Variants in KIF26A observed in about 807,000 individuals in gnomAD.
KIF26A encodes the protein kinesin-like protein KIF26A.
Under a neutral mutation model 126.0 loss-of-function variants are expected in KIF26A, and 74 were observed. The observed-to-expected ratio is 0.59, with a 90% CI of 0.49 to 0.71. KIF26A has a LOEUF of 0.71. Ranked by LOEUF, KIF26A falls within the 30% of genes least tolerant of loss-of-function variation. The pLI is 0.00. For missense variants in KIF26A, 2,984 were observed against 2,763.3 expected (o/e 1.08, Z -1.79); for synonymous variants, 1,445 against 1,232.7 (o/e 1.17, Z -3.61).
At chr14:104,154,739 G>C (rs915632719) in intron 3 of KIF26A, among the ~76,000 whole-genome samples, 2 of 152,232 alleles carry the variant, frequency 1.3e-5, no homozygotes, top group African/African-American at 4.8e-5. Flanking sequence ...CTGCGAGACC[G>C]AGGCTCTGGC....
Position 104,139,063 on chromosome 14 carries a change from C to T in KIF26A, c.63C>T (p.Ala21=), listed in dbSNP as rs2037611164. Residue 21 remains alanine, a synonymous_variant, in exon 2 of 15, where the codon GCC becomes GCT. Transcript: ENST00000423312. ...TGCAGGTGGCCGAGGGCGGCCCGGC[C>T]CGCGAGCCGCCGCCGCTGCTGGAGG... The part of the protein sequence containing the change: ...AQPAVAEGGP[A]REPPPLLEVS... 5 of 1,381,032 alleles carry T rather than the reference C, an allele frequency of 3.6e-6. No individual in the cohort carries two copies. The highest frequency in any genetic ancestry group is 1.9e-6 in the Non-Finnish European group (2 of 1,074,734). The allele number at this position is 1,381,032 out of a possible 1,614,324, so 85.5% of individuals were successfully genotyped here.
Position 104,172,992 on chromosome 14 carries a change from T to C in KIF26A, c.1436T>C (p.Met479Thr), listed in dbSNP as rs1367126648. The change falls in exon 8 of 15, where the codon ATG (methionine) becomes ACG (threonine). Residue 479 changes from methionine (M) to threonine (T), a missense_variant. Coordinates refer to ENST00000423312, the MANE Select transcript of KIF26A (RefSeq NM_015656.2). ...GHMSLGKSYT[M>T]IGKDSSPQSL... Reference sequence around the variant, plus strand: ...TGGCCCCCAGGCAAGTCGTACACCATGATCGGGAAGGACAGCTCACCCCAG... The same window carrying C: ...TGGCCCCCAGGCAAGTCGTACACCACGATCGGGAAGGACAGCTCACCCCAG... 6.3e-7 allele frequency: 1 copy of C among 1,598,672 alleles called. No individual in the cohort carries two copies. The highest frequency in any genetic ancestry group is 8.5e-7 in the Non-Finnish European group (1 of 1,171,480).
intron 4 of KIF26A, among the ~76,000 whole-genome samples, chr14:104,158,637 C>T (rs1316677410): frequency 6.6e-6 from 1 of 152,246 alleles, no homozygotes; most frequent in Non-Finnish European, 1.5e-5. Context: ...TGCTGATCCC[C>T]ACCACTGCCA....
At chr14:104,168,988 C>T (rs562520425) in intron 5 of KIF26A, among the ~76,000 whole-genome samples, 172 of 152,338 alleles carry the variant, frequency 1.1e-3, no homozygotes, top group African/African-American at 3.9e-3. Context: ...TGCGTGTGCC[C>T]GGCACGGGCT....
intron 2 of KIF26A, among the ~76,000 whole-genome samples, chr14:104,143,302 T>C (rs1165723332): frequency 6.6e-6 from 1 of 152,164 alleles, no homozygotes; most frequent in Non-Finnish European, 1.5e-5. Context: ...CCGGCGAAGC[T>C]CCGGGTGGCC....
chr14:104,160,679 GT>G (rs1298460661), intron 4 of KIF26A, among the ~76,000 whole-genome samples: 1 of 152,188 alleles, frequency 6.6e-6, no homozygotes, highest in Non-Finnish European at 1.5e-5. Context: ...TTCCCTGAAG[GT>G]TCTGGCAACT....
chr14:104,172,978 C>G lies in KIF26A; in HGVS notation c.1422C>G (p.Gly474=). The G allele has an allele frequency of 6.3e-7, 1 of 1,586,794 alleles. No homozygotes were observed. The highest frequency in any genetic ancestry group is 8.6e-7 in the Non-Finnish European group (1 of 1,163,262). The change falls in exon 8 of 15, where the codon GGC becomes GGG. Residue 474 remains glycine (G), a splice_region_variant and synonymous_variant. Coordinates refer to ENST00000423312, the MANE Select transcript of KIF26A (RefSeq NM_015656.2). ...GCCTGACGCCTGCGTGGCCCCCAGG[C>G]AAGTCGTACACCATGATCGGGAAGG... ...CIFSFGHMSL[G]KSYTMIGKDS... is the part of the protein sequence containing the mutation.
chr14:104,172,708 C>T (rs2037971844), intron 7 of KIF26A, 40 bp downstream of exon 7: 2 of 1,444,264 alleles, frequency 1.4e-6, no homozygotes, highest in African/African-American at 1.4e-5. Flanking sequence ...TCCTGCTGGC[C>T]ACCCCCTCCC....
At chr14:104,140,576 A>G (rs1037965158) in intron 2 of KIF26A, among the ~76,000 whole-genome samples, 4 of 152,030 alleles carry the variant, frequency 2.6e-5, no homozygotes, top group African/African-American at 9.7e-5. Context: ...CCCTGGGGCC[A>G]TGGTCCTGGC....
chr14:104,140,728 C>T (rs528807781), intron 2 of KIF26A, among the ~76,000 whole-genome samples: 143 of 152,146 alleles, frequency 9.4e-4, no homozygotes, highest in African/African-American at 3.4e-3. Flanking sequence ...GCAGACAGGT[C>T]TTCAGGGGAG....
In KIF26A at chr14:104,175,148, G is replaced by A; in HGVS notation, c.2360G>A (p.Cys787Tyr). Residue 787 changes from cysteine to tyrosine, a missense_variant, in exon 12 of 15, where the codon TGT becomes TAT. Coordinates refer to ENST00000423312, the MANE Select transcript of KIF26A (RefSeq NM_015656.2). ...TACTCCTCCAGCAGCGAGCAGTCCT[G>A]TGACACGGTCATCTACGTGGGGCCC... is the stretch of plus-strand genomic sequence containing the variant. ...PDYSSSSEQS[C>Y]DTVIYVGPGG... 1.2e-6 allele frequency: 2 copies of A among 1,607,874 alleles called. No individual in the cohort carries two copies. Among genetic ancestry groups the A allele is most frequent in the South Asian group, 1.1e-5 (1 of 89,922 alleles).
At position 104,152,961 on chromosome 14, in the gene KIF26A, G is replaced by A. The variant is rs937410532; in HGVS notation, c.735+500G>A. Among the ~76,000 whole-genome samples the A allele has an allele frequency of 1.3e-5, 2 of 152,152 alleles. No individual in the cohort carries two copies. Among genetic ancestry groups the A allele is most frequent in the Admixed American group, 1.3e-4 (2 of 15,286 alleles). On this transcript the variant is annotated intron_variant, in intron 3 of 14. Coordinates refer to ENST00000423312, the MANE Select transcript of KIF26A (RefSeq NM_015656.2). This position sits in a 1 kb window ranked among gnomAD's most constrained non-coding sequence, Gnocchi z 5.9. Reference sequence around the variant, plus strand: ...ACCCTGGGGGCAGAGGGACATGTGGGTGGCTGTGAAGAGCCGTGTTTCTGC... The same window carrying A: ...ACCCTGGGGGCAGAGGGACATGTGGATGGCTGTGAAGAGCCGTGTTTCTGC...
chr14:104,169,274 G>T (rs2037935220), intron 5 of KIF26A, among the ~76,000 whole-genome samples: 1 of 152,256 alleles, frequency 6.6e-6, no homozygotes. Flanking sequence ...CCTGGCTCTG[G>T]CCTGGGCCTG....
intron 13 of KIF26A, among the ~76,000 whole-genome samples, 195 bp from the exon 14 acceptor site, chr14:104,179,041 G>A (rs1418185437): frequency 2.6e-5 from 4 of 152,162 alleles, no homozygotes; most frequent in African/African-American, 9.7e-5. Flanking sequence ...TGGGGAGGGT[G>A]GTCCTAGAGC....
Position 104,152,462 on chromosome 14 carries a change from G to T in KIF26A, c.735+1G>T. 1.9e-6 allele frequency: 3 copies of T among 1,562,516 alleles called. No homozygotes were observed. The South Asian group carries it at 3.6e-5, about 19-fold the overall frequency. On this transcript the variant is annotated splice_donor_variant, in intron 3 of 14. Transcript: ENST00000423312. LOFTEE classifies it high-confidence loss of function. This position sits in a 1 kb window ranked among gnomAD's most constrained non-coding sequence, Gnocchi z 5.9. ...CAGCTTCCTCCCGCCGGCGTGCCTG[G>T]TGAGTGTCTTGCTCAGCGGATGGGA...
intron 4 of KIF26A, among the ~76,000 whole-genome samples, chr14:104,164,461 TC>T (rs2037862019): frequency 6.6e-6 from 1 of 151,636 alleles, no homozygotes; most frequent in African/African-American, 2.4e-5. Context: ...GGGTCCATGA[TC>T]CGGGGTAGGG....
Position 104,174,181 on chromosome 14 carries a change from C to A in KIF26A, c.2064C>A (p.Ser688=). The A allele has an allele frequency of 1.3e-6, 2 of 1,589,950 alleles. No homozygotes were observed. Among genetic ancestry groups the A allele is most frequent in the East Asian group, 2.3e-5 (1 of 43,696 alleles). Residue 688 remains serine, a synonymous_variant, in exon 11 of 15, where the codon TCC becomes TCA. Coordinates refer to ENST00000423312, the MANE Select transcript of KIF26A (RefSeq NM_015656.2). ...GGCTCACCATGCTGCTGCGTGAATC[C>A]CTGGCCACCGCTGGCTGCCGCACCA... The part of the protein sequence containing the change: ...DHRLTMLLRE[S]LATAGCRTTM...
chr14:104,169,965 G>T (rs534203865), intron 5 of KIF26A, among the ~76,000 whole-genome samples: 1 of 152,302 alleles, frequency 6.6e-6, no homozygotes, highest in East Asian at 1.9e-4. Flanking sequence ...AGGGCAGTGT[G>T]GGGCAGGCTA....
At position 104,175,260 on chromosome 14, in the gene KIF26A, C is replaced by A; in HGVS notation, c.2472C>A (p.His824Gln). 6.2e-7 allele frequency: 1 copy of A among 1,607,274 alleles called. No individual in the cohort carries two copies. The highest frequency in any genetic ancestry group is 8.5e-7 in the Non-Finnish European group (1 of 1,179,610). The change falls in exon 12 of 15, where the codon CAC becomes CAA. Residue 824 changes from histidine to glutamine, a missense_variant. By Grantham distance (24) the His-to-Gln change is conservative (BLOSUM62 0). Coordinates refer to ENST00000423312, the MANE Select transcript of KIF26A (RefSeq NM_015656.2). ...CCATCATCCCTGCCCTGAGCCGCCA[C>A]CGGCCCTCCAAGGGTCCCCGAGACG... is the stretch of plus-strand genomic sequence containing the variant. ...FVPIIPALSR[H>Q]RPSKGPRDAD...
Sources: gnomAD v4.1 joint callset for allele counts (sites outside exome capture counted in the v4.1 genomes callset) on GRCh38, gnomAD v4.1.1 for gene constraint, Gnocchi (gnomAD v3.1) non-coding constraint, MANE v1.5 for transcripts, NCBI Gene and HGNC (gene_info 2026-07-23, HGNC 2026-07-21) for gene names.